DEPDC5: variants seen among roughly 807,000 people sequenced by gnomAD.
The protein encoded by DEPDC5 is DEP domain containing 5, GATOR1 subcomplex subunit, also known as GATOR1 complex protein DEPDC5.
In DEPDC5, 73 loss-of-function variants were observed where a neutral mutation model predicts 217.3. That is an observed-to-expected ratio of 0.34 (90% CI 0.28 to 0.41). The LOEUF is 0.41. Ranked by LOEUF, DEPDC5 falls within the 10% of genes least tolerant of loss-of-function variation. The pLI is 1.00. For missense variants in DEPDC5, 1,675 were observed against 2,070.1 expected (o/e 0.81, Z 3.70); for synonymous variants, 733 against 756.7 (o/e 0.97, Z 0.51).
intron 17 of DEPDC5, among the ~76,000 whole-genome samples, chr22:31,805,657 C>T (rs766010840): frequency 1.3e-5 from 2 of 152,072 alleles, no homozygotes; most frequent in Non-Finnish European, 2.9e-5. Flanking sequence ...CCTGCCGCCA[C>T]GCCCGGCTAA....
At chr22:31,813,975 A>T (rs978539628) in intron 20 of DEPDC5, 1 of 152,156 alleles carries the variant, frequency 6.6e-6, no homozygotes, top group Non-Finnish European at 1.5e-5. Context: ...TCTACTAAAA[A>T]TACGAAAAAA....
rs1248620808 is a variant in DEPDC5 at position 31,797,685 on chromosome 22, G to A, written c.853G>A (p.Val285Met). The A allele has an allele frequency of 6.2e-7, 1 of 1,613,730 alleles. No individual in the cohort carries two copies. Among genetic ancestry groups the A allele is most frequent in the Middle Eastern group, 1.7e-4 (1 of 6,060 alleles). ...KKLFIQYPVL[V>M]RLEQAEGFPQ... Reference sequence around the variant, plus strand: ...ACTCTTCATCCAGTATCCAGTGTTGGTGCGACTGGAACAGGCAGGTACTGC... The same window carrying A: ...ACTCTTCATCCAGTATCCAGTGTTGATGCGACTGGAACAGGCAGGTACTGC... Residue 285 changes from valine (V) to methionine (M), a missense_variant, in exon 13 of 43, where the codon GTG becomes ATG. Val to Met is a conservative substitution (Grantham distance 21). Around this residue, in one of 11 missense-constraint regions of DEPDC5, gnomAD observed 628 missense variants for 762.1 expected, o/e 0.82. Transcript: ENST00000651528.
intron 22 of DEPDC5, among the ~76,000 whole-genome samples, chr22:31,820,631 C>T (rs941601643): frequency 6.6e-6 from 1 of 152,140 alleles, no homozygotes; most frequent in Admixed American, 6.5e-5. Context: ...CCTTTCCCCT[C>T]CATTATTGTC....
chr22:31,798,601 T>C lies in DEPDC5; in HGVS notation c.891T>C (p.Asp297=), dbSNP rs2086523675. The change falls in exon 14 of 43, where the codon GAT becomes GAC. Residue 297 remains aspartate, a synonymous_variant. Coordinates refer to ENST00000651528, the MANE Select transcript of DEPDC5 (RefSeq NM_001242896.3). ...LEQAEGFPQG[D]NSTSAQGNYL... is the part of the protein sequence containing the mutation. The stretch of plus-strand genomic sequence containing the variant: ...CTTCAGAGGGCTTTCCTCAAGGAGA[T>C]AATTCTACCTCAGCACAAGGAAACT... 17 of 1,611,172 alleles carry C rather than the reference T, an allele frequency of 1.1e-5. No individual in the cohort carries two copies. Among genetic ancestry groups the C allele is most frequent in the Non-Finnish European group, 1.4e-5 (16 of 1,178,156 alleles).
At chr22:31,850,050 C>T (rs1272678835) in intron 31 of DEPDC5, among the ~76,000 whole-genome samples, 4 of 151,934 alleles carry the variant, frequency 2.6e-5, no homozygotes, top group Non-Finnish European at 5.9e-5. Context: ...ACTCAGGAGG[C>T]GGAGGTTGCA....
intron 33 of DEPDC5, among the ~76,000 whole-genome samples, chr22:31,869,262 G>A (rs901292338): frequency 2.0e-5 from 3 of 151,442 alleles, no homozygotes; most frequent in Non-Finnish European, 2.9e-5. Flanking sequence ...AAAAGATGCA[G>A]CACCATTACA....
rs1235671331 is a variant in DEPDC5 at position 31,815,738 on chromosome 22, C to T, written c.1666+526C>T. The T allele has an allele frequency of 1.1e-5, 11 of 984,566 alleles. No homozygotes were observed. The African/African-American group carries it at 1.2e-4, about 11-fold the overall frequency. The allele number at this position is 984,566 out of a possible 1,614,324, so 61.0% of individuals were successfully genotyped here. On this transcript the variant is annotated intron_variant, in intron 21 of 42. Transcript: ENST00000651528. Reference sequence around the variant, plus strand: ...TTGTAGAGGTGGGGTTTTACCATTCCCAGGCTGGTCTTGAACTCCTGGACT... The same window carrying T: ...TTGTAGAGGTGGGGTTTTACCATTCTCAGGCTGGTCTTGAACTCCTGGACT...
chr22:31,810,395 A>C, intron 19 of DEPDC5, 126 bp from the exon 20 acceptor site: 1 of 1,430,748 alleles, frequency 7.0e-7, no homozygotes, highest in Non-Finnish European at 9.4e-7. Context: ...GATTTTGGTG[A>C]AGATTATCTG....
chr22:31,898,398 C>A lies in DEPDC5; in HGVS notation c.4375+745C>A, dbSNP rs544614245. The stretch of plus-strand genomic sequence containing the variant: ...TTACCAAGTGCTCGTTGTGGATGCA[C>A]ATATAAATAGCTCCTACAAAGCTTT... On this transcript the variant is annotated intron_variant, in intron 40 of 42. Transcript: ENST00000651528. 2.3e-3 allele frequency among the ~76,000 whole-genome samples: 344 copies of A among 152,238 alleles called. 2 individuals carry two copies. Among genetic ancestry groups the A allele is most frequent in the African/African-American group, 8.0e-3 (334 of 41,524 alleles).
At chr22:31,819,356 T>C in intron 22 of DEPDC5, 131 bp downstream of exon 22, 1 of 928,516 alleles carries the variant, frequency 1.1e-6, no homozygotes, top group Non-Finnish European at 1.6e-6. Context: ...CCATGCCCAC[T>C]TTGGCCATCC....
Position 31,810,463 on chromosome 22 carries a change from T to C in DEPDC5, c.1325-58T>C. Reference sequence around the variant, plus strand: ...ATTTATATTATTTGTGTATTTCAGCTCTCAGGCATGTGTTTGAAATGTATT... The same window carrying C: ...ATTTATATTATTTGTGTATTTCAGCCCTCAGGCATGTGTTTGAAATGTATT... On this transcript the variant is annotated intron_variant, in intron 19 of 42. Transcript: ENST00000651528. 6 of 1,607,900 alleles carry C rather than the reference T, an allele frequency of 3.7e-6. No homozygotes were observed. The South Asian group carries it at 6.6e-5, about 18-fold the overall frequency.
At chr22:31,838,070 C>T (rs1225438439) in intron 26 of DEPDC5, among the ~76,000 whole-genome samples, 2 of 152,070 alleles carry the variant, frequency 1.3e-5, no homozygotes, top group South Asian at 2.1e-4. Flanking sequence ...TATTTCTCCT[C>T]GTTGATTGAT....
intron 38 of DEPDC5, among the ~76,000 whole-genome samples, chr22:31,892,022 G>A (rs1043047019): frequency 2.0e-5 from 3 of 152,220 alleles, no homozygotes; most frequent in African/African-American, 7.2e-5. Context: ...AGGACAGGGT[G>A]TTAAGCTTCA....
At chr22:31,818,061 C>A (rs778587570) in intron 21 of DEPDC5, among the ~76,000 whole-genome samples, 2 of 152,038 alleles carry the variant, frequency 1.3e-5, no homozygotes, top group Non-Finnish European at 2.9e-5. Context: ...GCTGGACCCA[C>A]TTTTTCATCT....
rs2075183407 is a variant in DEPDC5 at position 31,754,842 on chromosome 22, C to CTTTGTATTTCT, written c.-60-20_-60-19insTTTGTATTTCT. 9 of 1,533,924 alleles carry CTTTGTATTTCT rather than the reference C, an allele frequency of 5.9e-6. No homozygotes were observed. Among genetic ancestry groups the CTTTGTATTTCT allele is most frequent in the Middle Eastern group, 1.7e-4 (1 of 5,888 alleles). On this transcript the variant is annotated intron_variant, in intron 1 of 42. Coordinates refer to ENST00000651528, the MANE Select transcript of DEPDC5 (RefSeq NM_001242896.3). ...GAAAAATCTGACATTCCAACCTTTT[C>CTTTGTATTTCT]GTTTGTATTTCTGTGGCAGGGAGGC...
chr22:31,828,734 C>G (rs1169633945), intron 24 of DEPDC5, among the ~76,000 whole-genome samples: 1 of 152,156 alleles, frequency 6.6e-6, no homozygotes, highest in East Asian at 1.9e-4. Flanking sequence ...TAAACTCTTA[C>G]CCATTCGAGA....
chr22:31,787,372 C>T (rs946444064), intron 10 of DEPDC5, among the ~76,000 whole-genome samples: 1 of 152,174 alleles, frequency 6.6e-6, no homozygotes, highest in African/African-American at 2.4e-5. Flanking sequence ...ATAGAACCAC[C>T]ATGCCTGGCT....
At chr22:31,763,139 C>T (rs575492510) in intron 4 of DEPDC5, among the ~76,000 whole-genome samples, 4 of 152,112 alleles carry the variant, frequency 2.6e-5, no homozygotes, top group African/African-American at 4.8e-5. Context: ...TACAGGTGCA[C>T]GCCACCACAC....
At chr22:31,798,522 TAA>T in intron 13 of DEPDC5, 58 bp from the exon 14 acceptor site, 5 of 1,361,636 alleles carry the variant, frequency 3.7e-6, no homozygotes, top group African/African-American at 1.5e-5. Context: ...CGTTTAAAAT[TAA>T]AAAAAAAAGT....
Sources: gnomAD v4.1 joint callset for allele counts (sites outside exome capture counted in the v4.1 genomes callset) on GRCh38, gnomAD v4.1.1 for gene constraint, gnomAD v4.1.1 regional missense constraint, MANE v1.5 for transcripts, NCBI Gene and HGNC (gene_info 2026-07-23, HGNC 2026-07-21) for gene names.